The following MGAT4C variants were observed in gnomAD, a reference collection of about 807,000 sequenced individuals.
MGAT4C encodes MGAT4 family member C.
Under a neutral mutation model 40.1 loss-of-function variants are expected in MGAT4C, and 19 were observed. That is an observed-to-expected ratio of 0.47 (90% CI 0.33 to 0.70). The LOEUF (loss-of-function observed/expected upper bound fraction) is 0.70. MGAT4C is among the 30% of genes least tolerant of loss of function. The probability of loss-of-function intolerance (pLI) is 0.02; values close to 1 mark genes in which losing one functional copy is unlikely to be tolerated. For synonymous variants in MGAT4C, 181 were observed against 187.1 expected (o/e 0.97, Z 0.27); for missense variants, 491 against 563.2 (o/e 0.87, Z 1.30).
chr12:86,535,259 T>A (rs759574017), intron 2 of MGAT4C, among the ~76,000 whole-genome samples: 1 of 152,236 alleles, frequency 6.6e-6, no homozygotes, highest in Admixed American at 6.5e-5. Flanking sequence ...CATGAAACAT[T>A]ACACGTTTTA....
At position 85,979,594 on chromosome 12, in the gene MGAT4C, C is replaced by G. The variant is rs202157734; in HGVS notation, c.1132G>C (p.Val378Leu). The change falls in exon 5 of 5, where the codon GTT (valine) becomes CTT (leucine). Residue 378 changes from valine (V) to leucine (L), a missense_variant. Transcript: ENST00000611864. ...FWGKPPSTGD[V>L]FVIVFENPII... ...GGATTTTCAAATACAATCACAAAAA[C>G]ATCTCCTGTTGAAGGTGGTTTCCCC... 2 of 1,609,212 alleles carry G rather than the reference C, an allele frequency of 1.2e-6. No individual in the cohort carries two copies. The highest frequency in any genetic ancestry group is 1.3e-5 in the African/African-American group (1 of 74,748).
At chr12:86,192,585 C>T (rs1889641563) in intron 1 of MGAT4C, among the ~76,000 whole-genome samples, 1 of 152,150 alleles carries the variant, frequency 6.6e-6, no homozygotes, top group Non-Finnish European at 1.5e-5. Flanking sequence ...AGGTGAAGTG[C>T]AAAGTGTGGC....
chr12:86,405,998 A>G (rs181093225), intron 3 of MGAT4C, among the ~76,000 whole-genome samples: 3 of 140,716 alleles, frequency 2.1e-5, no homozygotes, highest in Admixed American at 1.5e-4. Context: ...AAAAATATAT[A>G]TTATATATAA....
At chr12:85,998,011 A>T (rs1261648842) in intron 2 of MGAT4C, among the ~76,000 whole-genome samples, 2 of 152,144 alleles carry the variant, frequency 1.3e-5, no homozygotes, top group Non-Finnish European at 2.9e-5. Context: ...CCTGCAGCAA[A>T]CTTCTATCTG....
At chr12:86,774,333 TTC>T (rs1235369827) in intron 1 of MGAT4C, among the ~76,000 whole-genome samples, 22 of 108,528 alleles carry the variant, frequency 2.0e-4, no homozygotes, top group South Asian at 7.0e-4. Context: ...CTTTCTTTCT[TTC>T]TTTCTGTCTC....
chr12:86,401,471 A>C (rs1956362384), intron 3 of MGAT4C, among the ~76,000 whole-genome samples: 1 of 152,174 alleles, frequency 6.6e-6, no homozygotes, highest in Non-Finnish European at 1.5e-5. Flanking sequence ...ATAGCTTGAA[A>C]GAAAGTCAGG....
chr12:86,714,147 A>G (rs953582134), intron 2 of MGAT4C, among the ~76,000 whole-genome samples: 1 of 152,166 alleles, frequency 6.6e-6, no homozygotes. Flanking sequence ...TATTCCAATT[A>G]TGGAAATTAA....
At chr12:85,998,994 A>G (rs567403652) in intron 2 of MGAT4C, among the ~76,000 whole-genome samples, 2 of 152,270 alleles carry the variant, frequency 1.3e-5, no homozygotes, top group African/African-American at 2.4e-5. Flanking sequence ...TTACAAAAGA[A>G]AGAGGTTTAA....
At chr12:86,579,068 G>A (rs914741056) in intron 2 of MGAT4C, among the ~76,000 whole-genome samples, 5 of 151,582 alleles carry the variant, frequency 3.3e-5, no homozygotes, top group African/African-American at 1.2e-4. Context: ...TAGGTGAAGT[G>A]TGTTTCTTGT....
intron 2 of MGAT4C, among the ~76,000 whole-genome samples, chr12:86,554,113 C>T (rs541756085): frequency 1.8e-5 from 2 of 113,646 alleles, no homozygotes; most frequent in South Asian, 3.8e-4. Context: ...ACACACAGCA[C>T]GTAAACACAT....
intron 2 of MGAT4C, among the ~76,000 whole-genome samples, chr12:86,044,985 C>T (rs1439661221): frequency 6.6e-6 from 1 of 152,012 alleles, no homozygotes; most frequent in African/African-American, 2.4e-5. Flanking sequence ...TCAATCCACC[C>T]CTTCCCCAAG....
intron 1 of MGAT4C, among the ~76,000 whole-genome samples, chr12:86,177,029 A>G: frequency 6.6e-6 from 1 of 151,838 alleles, no homozygotes; most frequent in South Asian, 2.1e-4. Flanking sequence ...ACCCATTGCC[A>G]TTTCACTATC....
intron 1 of MGAT4C, among the ~76,000 whole-genome samples, chr12:86,231,130 A>C (rs1056952852): frequency 5.3e-5 from 8 of 152,202 alleles, no homozygotes; most frequent in Non-Finnish European, 8.8e-5. Context: ...AAATCTGTGG[A>C]GATTATAAAT....
intron 1 of MGAT4C, among the ~76,000 whole-genome samples, chr12:86,739,549 G>A (rs375594131): frequency 6.6e-6 from 1 of 150,918 alleles, no homozygotes; most frequent in East Asian, 1.9e-4. Flanking sequence ...AAGGATGGTT[G>A]CATTTGTACT....
intron 4 of MGAT4C, among the ~76,000 whole-genome samples, chr12:86,313,691 TA>T (rs1164749511): frequency 6.6e-6 from 1 of 152,212 alleles, no homozygotes; most frequent in Non-Finnish European, 1.5e-5. Flanking sequence ...CTAGGTTAAC[TA>T]AATTACGTCT....
At chr12:86,140,033 C>G (rs1348122847) in intron 1 of MGAT4C, among the ~76,000 whole-genome samples, 1 of 152,138 alleles carries the variant, frequency 6.6e-6, no homozygotes, top group African/African-American at 2.4e-5. Flanking sequence ...CCTGACCTCT[C>G]CCTCATTTAG....
chr12:86,336,583 G>A (rs1236082843), intron 3 of MGAT4C, among the ~76,000 whole-genome samples: 4 of 152,146 alleles, frequency 2.6e-5, no homozygotes, highest in African/African-American at 9.6e-5. Flanking sequence ...CCTGATAAAA[G>A]AGGAACAGAG....
At chr12:86,083,031 TA>T (rs1415148394) in intron 1 of MGAT4C, among the ~76,000 whole-genome samples, 1 of 152,024 alleles carries the variant, frequency 6.6e-6, no homozygotes. Context: ...GAACTCAAAT[TA>T]TCCTTCCCAA....
At chr12:86,461,608 G>A (rs930880966) in intron 2 of MGAT4C, among the ~76,000 whole-genome samples, 1 of 151,794 alleles carries the variant, frequency 6.6e-6, no homozygotes, top group Non-Finnish European at 1.5e-5. Context: ...TCTTTTGGTG[G>A]GCTTCTACAT....
Sources: allele counts gnomAD v4.1 joint callset (sites outside exome capture counted in the v4.1 genomes callset), GRCh38; gene constraint gnomAD v4.1.1; transcripts MANE v1.5; gene names NCBI Gene and HGNC (gene_info 2026-07-23, HGNC 2026-07-21).